Variants in A2ML1 observed in about 807,000 individuals in gnomAD.
A2ML1 encodes the protein alpha-2-macroglobulin-like protein 1.
In A2ML1, 161 loss-of-function variants were observed where a neutral mutation model predicts 181.9. The observed-to-expected ratio is 0.89, with a 90% confidence interval of 0.78 to 1.01. A2ML1 has a LOEUF of 1.01. A2ML1 is among the 50% of genes least tolerant of loss of function. A2ML1 has a pLI of 0.00. For missense variants in A2ML1, 1,670 were observed against 1,768.1 expected (o/e 0.94, Z 1.00); for synonymous variants, 663 against 666.8 (o/e 0.99, Z 0.09).
chr12:8,841,549 G>A lies in A2ML1; in HGVS notation c.1248+13G>A, dbSNP rs1039150694. 17 of 1,597,376 alleles carry A rather than the reference G, an allele frequency of 1.1e-5. No individual in the cohort carries two copies. Among genetic ancestry groups the A allele is most frequent in the South Asian group, 5.7e-5 (5 of 88,058 alleles). On this transcript the variant is annotated intron_variant, in intron 11 of 35. Coordinates refer to ENST00000299698, the MANE Select transcript of A2ML1 (RefSeq NM_144670.6). ...CGTTTCTCTGGAGGTAAGCATGGAC[G>A]GAGGACCAGCTTCCTAGAAAGGAAG... is the stretch of plus-strand genomic sequence containing the variant.
intron 4 of A2ML1, among the ~76,000 whole-genome samples, chr12:8,833,452 C>T (rs1287749952): frequency 6.6e-6 from 1 of 152,130 alleles, no homozygotes; most frequent in African/African-American, 2.4e-5. Flanking sequence ...GGCTGGAGTG[C>T]AGTGGCATGA....
chr12:8,852,160 T>C lies in A2ML1; in HGVS notation c.2464-50T>C. 7 of 1,611,500 alleles carry C rather than the reference T, an allele frequency of 4.3e-6. No individual in the cohort carries two copies. The highest frequency in any genetic ancestry group is 5.1e-6 in the Non-Finnish European group (6 of 1,178,786). On this transcript the variant is annotated intron_variant, in intron 19 of 35. Coordinates refer to ENST00000299698, the MANE Select transcript of A2ML1 (RefSeq NM_144670.6). The surrounding 1 kb of genome is among the most constrained non-coding windows in gnomAD (Gnocchi z 4.2). ...GCCCCCAGGTTTCCCCAGGCCTCTATGCACTACCTCCTTTGTTTGTACCCT... is the reference window on the plus strand; with the variant it reads ...GCCCCCAGGTTTCCCCAGGCCTCTACGCACTACCTCCTTTGTTTGTACCCT...
chr12:8,853,021 A>T (rs900330321), intron 20 of A2ML1, among the ~76,000 whole-genome samples: 1 of 151,714 alleles, frequency 6.6e-6, no homozygotes, highest in African/African-American at 2.4e-5. Flanking sequence ...GAGAGACAAG[A>T]TCTTACTCTG....
chr12:8,845,168 A>T lies in A2ML1; in HGVS notation c.1477-274A>T, dbSNP rs758512938. On this transcript the variant is annotated intron_variant, in intron 12 of 35. Coordinates refer to ENST00000299698, the MANE Select transcript of A2ML1 (RefSeq NM_144670.6). ...GATCTTCAAGAAATGGCAGACAGTT[A>T]TCTATGGTGAGGAACAATTTCTATG... 36 of 1,519,310 alleles carry T rather than the reference A, an allele frequency of 2.4e-5. No individual in the cohort carries two copies. In the South Asian group the frequency reaches 3.7e-4, roughly 16 times the overall value. 94.1% of individuals were successfully genotyped at this position (1,519,310 alleles called of 1,614,324 possible).
intron 28 of A2ML1, among the ~76,000 whole-genome samples, chr12:8,862,894 C>G (rs1348036635): frequency 6.6e-6 from 1 of 152,126 alleles, no homozygotes; most frequent in Non-Finnish European, 1.5e-5. Context: ...AATTAGTCTT[C>G]TAACGTACAG....
chr12:8,839,042 G>T (rs928690777), intron 9 of A2ML1, 71 bp from the exon 10 acceptor site: 2 of 1,070,922 alleles, frequency 1.9e-6, no homozygotes, highest in South Asian at 1.6e-5. Flanking sequence ...TTCTCTCAGA[G>T]ACTTGACATT....
Position 8,875,026 on chromosome 12 carries a change from A to G in A2ML1, c.*1+14A>G, listed in dbSNP as rs2136998261. 1 of 1,613,710 alleles carries G rather than the reference A, an allele frequency of 6.2e-7. No individual in the cohort carries two copies. ...CCTGTGAATGAGGTAAGTCCAGCGGAGAAATGGGTGGAGTTATGGGTTAGG... is the reference window on the plus strand; with the variant it reads ...CCTGTGAATGAGGTAAGTCCAGCGGGGAAATGGGTGGAGTTATGGGTTAGG... On this transcript the variant is annotated intron_variant, in intron 35 of 35. Transcript: ENST00000299698.
intron 11 of A2ML1, among the ~76,000 whole-genome samples, chr12:8,841,759 T>C (rs913506136): frequency 6.6e-5 from 10 of 152,190 alleles, no homozygotes; most frequent in African/African-American, 2.4e-4. Context: ...TTTCTACTAA[T>C]ACATCTTTTA....
At chr12:8,887,034 C>T (rs1456534521), downstream of A2ML1, 1 of 151,730 alleles carries the variant, frequency 6.6e-6, no homozygotes, top group Non-Finnish European at 1.5e-5. Flanking sequence ...TGGTGCATAC[C>T]TGTAGTCTCA....
chr12:8,872,416 A>T (rs1161591197), intron 33 of A2ML1, among the ~76,000 whole-genome samples: 1 of 152,078 alleles, frequency 6.6e-6, no homozygotes, highest in Non-Finnish European at 1.5e-5. Flanking sequence ...ACAATCTTAA[A>T]ATATTTATTA....
intron 10 of A2ML1, among the ~76,000 whole-genome samples, chr12:8,839,660 C>A (rs1024961345): frequency 6.6e-6 from 1 of 152,210 alleles, no homozygotes; most frequent in African/African-American, 2.4e-5. Context: ...CCAGCCTGGT[C>A]TCCTGCATCT....
chr12:8,867,759 C>A, intron 29 of A2ML1, 83 bp from the exon 30 acceptor site: 2 of 1,234,754 alleles, frequency 1.6e-6, no homozygotes, highest in Non-Finnish European at 1.2e-6. Context: ...TAACAACAAC[C>A]AGATGTGTGG....
At chr12:8,875,667 G>C (rs1263117220) in intron 35 of A2ML1, 1 of 152,102 alleles carries the variant, frequency 6.6e-6, no homozygotes, top group African/African-American at 2.4e-5. Flanking sequence ...TCAAACTCCT[G>C]GCCTCAGGTG....
intron 32 of A2ML1, 122 bp from the exon 33 acceptor site, chr12:8,869,013 G>A (rs1944531053): frequency 2.2e-6 from 2 of 895,538 alleles, no homozygotes; most frequent in South Asian, 3.1e-5. Flanking sequence ...AATAGTCTTG[G>A]TTCCCTTTTC....
chr12:8,839,611 C>T (rs957048504), intron 10 of A2ML1, among the ~76,000 whole-genome samples: 21 of 152,208 alleles, frequency 1.4e-4, no homozygotes, highest in African/African-American at 4.6e-4. Flanking sequence ...ATGTCTAAAT[C>T]TTCATATTTA....
At chr12:8,831,993 G>A (rs954163128) in intron 4 of A2ML1, among the ~76,000 whole-genome samples, 2 of 151,990 alleles carry the variant, frequency 1.3e-5, no homozygotes, top group African/African-American at 2.4e-5. Context: ...CAAGTGATCC[G>A]CCCGCCTCGG....
At chr12:8,833,504 C>A (rs1943182824) in intron 4 of A2ML1, among the ~76,000 whole-genome samples, 1 of 152,120 alleles carries the variant, frequency 6.6e-6, no homozygotes, top group Non-Finnish European at 1.5e-5. Flanking sequence ...TCAAGTGATT[C>A]TTCTGCCTCA....
chr12:8,830,113 G>A (rs1943064075), intron 4 of A2ML1, among the ~76,000 whole-genome samples: 1 of 152,124 alleles, frequency 6.6e-6, no homozygotes, highest in Non-Finnish European at 1.5e-5. Flanking sequence ...GTGCAATGGC[G>A]TGACCTCAGC....
At chr12:8,886,028 A>ACACACC (rs1944919351) in intron 7 of A2ML1, among the ~76,000 whole-genome samples, 1 of 151,600 alleles carries the variant, frequency 6.6e-6, no homozygotes, top group Admixed American at 6.6e-5. Flanking sequence ...ACACACACAC[A>ACACACC]CACACACACA....
Sources: gnomAD v4.1 joint callset for allele counts (sites outside exome capture counted in the v4.1 genomes callset) on GRCh38, gnomAD v4.1.1 for gene constraint, Gnocchi (gnomAD v3.1) non-coding constraint, MANE v1.5 for transcripts, NCBI Gene and HGNC (gene_info 2026-07-23, HGNC 2026-07-21) for gene names.